Variants in RELN observed in about 807,000 individuals in gnomAD.
RELN encodes reelin.
In RELN, 108 loss-of-function variants were observed where a neutral mutation model predicts 427.6. That is an observed-to-expected ratio of 0.25 (90% confidence interval 0.22 to 0.30). The LOEUF is 0.30. Ranked by LOEUF, RELN falls within the 10% of genes least tolerant of loss-of-function variation. The pLI is 1.00. For missense variants in RELN, 3,715 were observed against 4,302.8 expected, an observed-to-expected ratio of 0.86 and a Z score of 3.82; for synonymous variants, 1,524 against 1,513.4, an observed-to-expected ratio of 1.01 and a Z score of -0.16.
Position 103,765,207 on chromosome 7 carries a change from C to T in RELN, c.544+11350G>A, listed in dbSNP as rs377049223. On this transcript the variant is annotated intron_variant, in intron 4 of 64. Transcript: ENST00000428762. ...ACAGAGGAGGAGGTGGCCACTGAAGCGGAAGACATTGAAGCTATCAGAAAG... is the reference window on the plus strand; with the variant it reads ...ACAGAGGAGGAGGTGGCCACTGAAGTGGAAGACATTGAAGCTATCAGAAAG... Among the ~76,000 whole-genome samples, 13 of 152,262 alleles carry T rather than the reference C, an allele frequency of 8.5e-5. No homozygotes were observed. In the South Asian group the frequency reaches 1.0e-3, roughly 12 times the overall value.
At chr7:103,825,303 C>G (rs572613338) in intron 3 of RELN, among the ~76,000 whole-genome samples, 1 of 152,170 alleles carries the variant, frequency 6.6e-6, no homozygotes, top group East Asian at 1.9e-4. Context: ...AGGAAAATGC[C>G]TTAGCCCAAG....
intron 14 of RELN, 59 bp downstream of exon 14, chr7:103,652,492 A>G (rs1301051883): frequency 7.3e-7 from 1 of 1,374,266 alleles, no homozygotes; most frequent in Non-Finnish European, 1.0e-6. Flanking sequence ...CTCTTATTTA[A>G]TAGCCAAATC....
At chr7:103,880,451 G>A (rs1293258368) in intron 2 of RELN, among the ~76,000 whole-genome samples, 1 of 152,042 alleles carries the variant, frequency 6.6e-6, no homozygotes, top group Non-Finnish European at 1.5e-5. Flanking sequence ...ATAATTATAG[G>A]TTATATATAT....
At chr7:103,690,574 T>C (rs188259114) in intron 10 of RELN, among the ~76,000 whole-genome samples, 109 of 152,250 alleles carry the variant, frequency 7.2e-4, no homozygotes, top group Non-Finnish European at 1.1e-3. Flanking sequence ...AGAAATCATA[T>C]ACACAAGTAC....
rs751437443 is a variant in RELN at position 103,893,605 on chromosome 7, C to A, written c.337+23470G>T. Among the ~76,000 whole-genome samples, 28 of 152,232 alleles carry A rather than the reference C, an allele frequency of 1.8e-4. No individual in the cohort carries two copies. In the Middle Eastern group the frequency reaches 0.01, roughly 55 times the overall value. ...AGATATCCGAACATAAATGTACATA[C>A]ACTTAAGCAACCACAGTGTTGGAGA... On this transcript the variant is annotated intron_variant, in intron 2 of 64. Coordinates refer to ENST00000428762, the MANE Select transcript of RELN (RefSeq NM_005045.4).
At chr7:103,952,101 A>G (rs1349621618) in intron 1 of RELN, among the ~76,000 whole-genome samples, 1 of 152,242 alleles carries the variant, frequency 6.6e-6, no homozygotes, top group East Asian at 1.9e-4. Context: ...GTTCTCAATA[A>G]AATAATTTAG....
At chr7:103,727,996 C>T in intron 7 of RELN, 115 bp downstream of exon 7, 3 of 920,462 alleles carry the variant, frequency 3.3e-6, no homozygotes, top group Non-Finnish European at 3.5e-6. Flanking sequence ...TAATAGGACT[C>T]ATAAATCATA....
intron 1 of RELN, 114 bp from the exon 2 acceptor site, chr7:103,917,299 T>C (rs1795506690): frequency 1.2e-6 from 1 of 810,544 alleles, no homozygotes; most frequent in African/African-American, 1.7e-5. Flanking sequence ...ATTATTTTTA[T>C]ACTATACCTA....
At chr7:103,657,530 T>C (rs1263224365) in intron 12 of RELN, among the ~76,000 whole-genome samples, 1 of 152,130 alleles carries the variant, frequency 6.6e-6, no homozygotes, top group Non-Finnish European at 1.5e-5. Flanking sequence ...ATCAGTTTTC[T>C]CTAATTTCAT....
chr7:103,750,593 C>T (rs533247551), intron 5 of RELN, among the ~76,000 whole-genome samples: 3 of 152,270 alleles, frequency 2.0e-5, no homozygotes, highest in East Asian at 1.9e-4. Flanking sequence ...TTGGATAGAA[C>T]ATTCTGGCTA....
At chr7:103,825,312 A>G (rs986441085) in intron 3 of RELN, among the ~76,000 whole-genome samples, 4 of 152,132 alleles carry the variant, frequency 2.6e-5, no homozygotes, top group Non-Finnish European at 5.9e-5. Context: ...CCTTAGCCCA[A>G]GGCAGCCAAA....
intron 9 of RELN, among the ~76,000 whole-genome samples, chr7:103,699,070 T>A (rs896474171): frequency 1.1e-4 from 17 of 152,238 alleles, no homozygotes; most frequent in Admixed American, 4.6e-4. Context: ...AGAATCCAGA[T>A]CCTTCTGCTA....
chr7:103,542,821 C>A lies in RELN; in HGVS notation c.6581G>T (p.Cys2194Phe). ...GTTGTTTCCACTAGAAAGGATTCCA[C>A]ACTTTCGAGATGGTTTCCCACCACT... Reference protein sequence around the residue: ...LMSGGKPSRKCGILSSGNNLF... With the variant: ...LMSGGKPSRKFGILSSGNNLF... The change falls in exon 43 of 65, where the codon TGT becomes TTT. Residue 2194 changes from cysteine (C) to phenylalanine (F), a missense_variant. By Grantham distance (205) the Cys-to-Phe change is radical. Transcript: ENST00000428762. 1 of 1,614,082 alleles carries A rather than the reference C, an allele frequency of 6.2e-7. No individual in the cohort carries two copies.
At chr7:103,907,545 G>A (rs1354485574) in intron 2 of RELN, among the ~76,000 whole-genome samples, 1 of 151,840 alleles carries the variant, frequency 6.6e-6, no homozygotes, top group African/African-American at 2.4e-5. Context: ...TGGCCTAGGG[G>A]CTGAGGGGAG....
intron 1 of RELN, among the ~76,000 whole-genome samples, chr7:103,941,257 G>A: frequency 6.6e-6 from 1 of 152,230 alleles, no homozygotes; most frequent in East Asian, 1.9e-4. Flanking sequence ...GACTTACTCT[G>A]ACCATAAATC....
chr7:103,639,225 T>C (rs897322658), intron 17 of RELN, among the ~76,000 whole-genome samples: 1 of 152,154 alleles, frequency 6.6e-6, no homozygotes, highest in African/African-American at 2.4e-5. Flanking sequence ...AGTTTGGAAA[T>C]ATAGATGGAA....
chr7:103,723,983 A>T (rs1488585604), intron 7 of RELN, among the ~76,000 whole-genome samples: 1 of 152,022 alleles, frequency 6.6e-6, no homozygotes. Context: ...AATTTTATTT[A>T]TTTATCCTTT....
At chr7:103,983,857 A>G (rs1036558639) in intron 1 of RELN, among the ~76,000 whole-genome samples, 1 of 114,590 alleles carries the variant, frequency 8.7e-6, no homozygotes, top group African/African-American at 3.9e-5. Flanking sequence ...AAAGAACTTC[A>G]TATTTCTGTG....
intron 2 of RELN, among the ~76,000 whole-genome samples, chr7:103,886,908 A>G (rs1216616438): frequency 6.6e-6 from 1 of 152,222 alleles, no homozygotes; most frequent in African/African-American, 2.4e-5. Flanking sequence ...GAGGAAATTA[A>G]GAAGAGGAAC....
Sources: gnomAD v4.1 joint callset for allele counts (sites outside exome capture counted in the v4.1 genomes callset) on GRCh38, gnomAD v4.1.1 for gene constraint, MANE v1.5 for transcripts, NCBI Gene and HGNC (gene_info 2026-07-23, HGNC 2026-07-21) for gene names.